The following SOS1 variants were observed in gnomAD, a reference collection of about 807,000 sequenced individuals.
SOS1 encodes the protein SOS Ras/Rac guanine nucleotide exchange factor 1, also known as son of sevenless homolog 1.
SOS1 carries 25 observed loss-of-function variants against 157.6 expected under a neutral mutation model. That is an observed-to-expected ratio of 0.16 (90% CI 0.12 to 0.22). SOS1 has a LOEUF of 0.22. SOS1 is among the 10% of genes least tolerant of loss of function. The pLI is 1.00. For synonymous variants in SOS1, 528 were observed against 534.0 expected, an observed-to-expected ratio of 0.99 and a Z score of 0.16; for missense variants, 1,237 against 1,599.1, an observed-to-expected ratio of 0.77 and a Z score of 3.86.
intron 1 of SOS1, among the ~76,000 whole-genome samples, chr2:39,108,990 G>A (rs1673314267): frequency 6.6e-6 from 1 of 152,084 alleles, no homozygotes; most frequent in South Asian, 2.1e-4. Flanking sequence ...CTTGAGCTCA[G>A]GAGTTCAAGA....
chr2:39,048,812 A>C (rs1394737149), intron 6 of SOS1, among the ~76,000 whole-genome samples: 2 of 152,094 alleles, frequency 1.3e-5, no homozygotes. Context: ...TTGATTTGGG[A>C]ACTAATGTCC....
intron 1 of SOS1, among the ~76,000 whole-genome samples, chr2:39,106,118 G>A (rs1673167362): frequency 6.6e-6 from 1 of 151,728 alleles, no homozygotes; most frequent in African/African-American, 2.4e-5. Context: ...TACTTCGGAG[G>A]CTGATGTGGG....
At chr2:39,098,904 T>C (rs1672868965) in intron 1 of SOS1, among the ~76,000 whole-genome samples, 1 of 152,030 alleles carries the variant, frequency 6.6e-6, no homozygotes, top group Admixed American at 6.6e-5. Flanking sequence ...AAAAATATTC[T>C]TACAACTCAA....
At chr2:39,108,461 T>C (rs1673287837) in intron 1 of SOS1, among the ~76,000 whole-genome samples, 1 of 152,238 alleles carries the variant, frequency 6.6e-6, no homozygotes, top group African/African-American at 2.4e-5. Context: ...CCAAAAATGC[T>C]GAGTTCCTCT....
intron 6 of SOS1, among the ~76,000 whole-genome samples, chr2:39,039,718 TA>T (rs1212864080): frequency 6.6e-6 from 1 of 152,202 alleles, no homozygotes; most frequent in Non-Finnish European, 1.5e-5. Context: ...AAAATGAGAT[TA>T]TTTTTAGTTT....
At chr2:39,015,970 A>G (rs182999350) in intron 10 of SOS1, among the ~76,000 whole-genome samples, 1 of 152,022 alleles carries the variant, frequency 6.6e-6, no homozygotes, top group African/African-American at 2.4e-5. Context: ...TGTGGGTCAA[A>G]GTTTTATAAG....
intron 6 of SOS1, among the ~76,000 whole-genome samples, chr2:39,044,392 G>A (rs1034164871): frequency 1.1e-4 from 17 of 152,052 alleles, no homozygotes; most frequent in African/African-American, 3.9e-4. Flanking sequence ...ATTCTGTTCC[G>A]TTACTTCCTT....
chr2:38,992,415 T>G (rs1572801917), intron 20 of SOS1: 1 of 152,208 alleles, frequency 6.6e-6, no homozygotes, highest in East Asian at 1.9e-4. Context: ...AGTCTAAGAT[T>G]ACAAAGCCTA....
chr2:39,064,084 T>C (rs1054610544), intron 2 of SOS1, among the ~76,000 whole-genome samples: 1 of 152,148 alleles, frequency 6.6e-6, no homozygotes, highest in African/African-American at 2.4e-5. Flanking sequence ...TCTGCCCACG[T>C]TGCCCTCCCA....
chr2:38,996,374 G>A (rs1271903662), intron 19 of SOS1, among the ~76,000 whole-genome samples: 1 of 152,206 alleles, frequency 6.6e-6, no homozygotes, highest in Non-Finnish European at 1.5e-5. Flanking sequence ...ACAGGCACGA[G>A]CCACCGCACC....
Position 39,023,110 on chromosome 2 carries a change from A to G in SOS1, c.1318T>C (p.Cys440Arg). 6.2e-7 allele frequency: 1 copy of G among 1,613,426 alleles called. No homozygotes were observed. The highest frequency in any genetic ancestry group is 8.5e-7 in the Non-Finnish European group (1 of 1,179,516). ...DGWEGKDIGQ[C>R]CNEFIMEGTL... ...CCTTCCATTATAAATTCATTACAAC[A>G]CTGTCCAATGTCTTTTCCCTCCCAA... Residue 440 changes from cysteine to arginine, a missense_variant, in exon 10 of 23, where the codon TGT becomes CGT. Physicochemically the swap from Cys to Arg is radical, Grantham distance 180. Transcript: ENST00000402219.
chr2:39,101,686 C>T (rs297159), intron 1 of SOS1, among the ~76,000 whole-genome samples: 142,296 of 152,196 alleles, frequency 0.93, 66,620 homozygotes, highest in African/African-American at 0.97. Flanking sequence ...AATGTCTCCT[C>T]CATAAAATGC....
chr2:39,058,884 A>G (rs1671304404), intron 2 of SOS1, 80 bp from the exon 3 acceptor site: 2 of 1,110,204 alleles, frequency 1.8e-6, no homozygotes, highest in African/African-American at 3.2e-5. Flanking sequence ...TTTAAAATCA[A>G]AGAATACCAA....
intron 1 of SOS1, among the ~76,000 whole-genome samples, chr2:39,094,602 G>A (rs1038254998): frequency 2.0e-5 from 3 of 152,148 alleles, no homozygotes; most frequent in Non-Finnish European, 2.9e-5. Context: ...GCAGTGAGCC[G>A]AGACTGTACC....
rs370542336 is a variant in SOS1 at position 39,054,846 on chromosome 2, A to C, written c.511-23T>G. The C allele has an allele frequency of 1.8e-5, 21 of 1,150,064 alleles. No homozygotes were observed. The African/African-American group carries it at 3.2e-4, about 18-fold the overall frequency. The allele number at this position is 1,150,064 out of a possible 1,614,324, so 71.2% of individuals were successfully genotyped here. A position where few individuals can be genotyped will look rare whatever the true frequency, so the allele number is the denominator to read the frequency against. On this transcript the variant is annotated intron_variant, in intron 4 of 22. Transcript: ENST00000402219. ...TACCTATACAGTCAGAGATATAAAA[A>C]AGTATAATAAAATATGAAGCTTTCG...
chr2:39,049,541 A>G (rs887760959), intron 6 of SOS1, among the ~76,000 whole-genome samples: 5 of 152,200 alleles, frequency 3.3e-5, no homozygotes, highest in African/African-American at 1.2e-4. Context: ...ATTATACAAA[A>G]TCAATTTCAT....
Position 39,013,923 on chromosome 2 carries a change from G to A in SOS1, c.2007C>T (p.Pro669=). ...TAAATCTTTTCAGTTCTGCACTCAA[G>A]GGTTGATCTCCATTCTCTATAGCTA... ...DRIAIENGDQ[P]LSAELKRFRK... is the part of the protein sequence containing the mutation. Residue 669 remains proline, a synonymous_variant, in exon 12 of 23, where the codon CCC becomes CCT. Transcript: ENST00000402219. 1 of 1,606,312 alleles carries A rather than the reference G, an allele frequency of 6.2e-7. No individual in the cohort carries two copies. Among genetic ancestry groups the A allele is most frequent in the Non-Finnish European group, 8.5e-7 (1 of 1,173,424 alleles).
intron 1 of SOS1, among the ~76,000 whole-genome samples, chr2:39,115,874 C>G (rs1673631589): frequency 1.3e-5 from 2 of 152,110 alleles, no homozygotes; most frequent in East Asian, 3.9e-4. Flanking sequence ...ATGTATAAGT[C>G]TTTGTATAAG....
At position 39,067,818 on chromosome 2, in the gene SOS1, T is replaced by C. The variant is rs886990472; in HGVS notation, c.88-65A>G. 29 of 1,480,570 alleles carry C rather than the reference T, an allele frequency of 2.0e-5. No homozygotes were observed. The Admixed American group carries it at 4.9e-4, about 25-fold the overall frequency. 91.7% of individuals were successfully genotyped at this position (1,480,570 alleles called of 1,614,324 possible). A position where few individuals can be genotyped will look rare whatever the true frequency, so the allele number is the denominator to read the frequency against. On this transcript the variant is annotated intron_variant, in intron 1 of 22. Transcript: ENST00000402219. Reference sequence around the variant, plus strand: ...TATCATTAAACAAATTTTTAAAACTTTAAAAAATGTGGGTTTGTGGCCGGG... The same window carrying C: ...TATCATTAAACAAATTTTTAAAACTCTAAAAAATGTGGGTTTGTGGCCGGG...
Sources: allele counts gnomAD v4.1 joint callset (sites outside exome capture counted in the v4.1 genomes callset), GRCh38; gene constraint gnomAD v4.1.1; transcripts MANE v1.5; gene names NCBI Gene and HGNC (gene_info 2026-07-23, HGNC 2026-07-21).